DDX4: variants seen among roughly 807,000 people sequenced by gnomAD.
The protein encoded by DDX4 is DEAD-box helicase 4, also known as probable ATP-dependent RNA helicase DDX4.
A neutral mutation model predicts 100.0 loss-of-function variants in DDX4; 25 were observed. The ratio of observed to expected loss-of-function variants is 0.25; its 90% CI spans 0.18 to 0.35. The LOEUF is 0.35. Ranked by LOEUF, DDX4 falls within the 10% of genes least tolerant of loss-of-function variation. The probability of loss-of-function intolerance (pLI) is 1.00; values close to 1 mark genes in which losing one functional copy is unlikely to be tolerated. For missense variants in DDX4, 635 were observed against 882.4 expected, an observed-to-expected ratio of 0.72 and a Z score of 3.55; for synonymous variants, 259 against 275.7, an observed-to-expected ratio of 0.94 and a Z score of 0.60.
At chr5:55,798,218 T>C (rs3789195) in intron 17 of DDX4, among the ~76,000 whole-genome samples, 61,737 of 151,982 alleles carry the variant, frequency 0.41, 14,030 homozygotes, top group African/African-American at 0.59. Flanking sequence ...CAAACTTTTT[T>C]TCTAGTAGTT....
chr5:55,740,989 T>G (rs1031471664), intron 2 of DDX4, among the ~76,000 whole-genome samples: 1 of 152,246 alleles, frequency 6.6e-6, no homozygotes, highest in Non-Finnish European at 1.5e-5. Flanking sequence ...TGGAATTACT[T>G]GTTCAGAGGA....
intron 6 of DDX4, chr5:55,766,937 C>T (rs1740961394): frequency 6.6e-7 from 1 of 1,514,110 alleles, no homozygotes; most frequent in Non-Finnish European, 8.9e-7. Context: ...GGAATGGGGT[C>T]TAGGAATTTA....
At chr5:55,774,199 T>C in intron 7 of DDX4, among the ~76,000 whole-genome samples, 1 of 151,916 alleles carries the variant, frequency 6.6e-6, no homozygotes, top group Non-Finnish European at 1.5e-5. Context: ...ACCCAGACTC[T>C]GGGGTGCAGT....
chr5:55,769,707 G>A (rs72761923), intron 7 of DDX4, among the ~76,000 whole-genome samples: 2,764 of 152,170 alleles, frequency 0.018, 42 homozygotes, highest in Middle Eastern at 0.041. Flanking sequence ...GAATAGGCAA[G>A]ACAATCCCAA....
At chr5:55,783,813 A>T (rs1343578129) in intron 10 of DDX4, among the ~76,000 whole-genome samples, 1 of 151,782 alleles carries the variant, frequency 6.6e-6, no homozygotes, top group Non-Finnish European at 1.5e-5. Context: ...GTATTGTTCA[A>T]TTCAAGTCCA....
intron 17 of DDX4, among the ~76,000 whole-genome samples, chr5:55,795,244 C>T (rs1333599113): frequency 1.3e-5 from 2 of 152,174 alleles, no homozygotes; most frequent in East Asian, 1.9e-4. Flanking sequence ...GGATTGTAAG[C>T]GTGAGCCACC....
intron 7 of DDX4, among the ~76,000 whole-genome samples, chr5:55,771,039 C>T (rs576974541): frequency 1.3e-5 from 2 of 152,272 alleles, no homozygotes; most frequent in Admixed American, 1.3e-4. Flanking sequence ...AGCCATTTTG[C>T]AGGGTATCCC....
At chr5:55,750,828 C>T (rs1208598661) in intron 3 of DDX4, among the ~76,000 whole-genome samples, 1 of 151,976 alleles carries the variant, frequency 6.6e-6, no homozygotes, top group Non-Finnish European at 1.5e-5. Flanking sequence ...AGATATATTC[C>T]TAATTGATAA....
In DDX4 at chr5:55,768,174, T is replaced by C; in HGVS notation, c.394+234T>C. 3 of 488,110 alleles carry C rather than the reference T, an allele frequency of 6.1e-6. No homozygotes were observed. The South Asian group carries it at 7.3e-5, about 12-fold the overall frequency. 30.2% of individuals were successfully genotyped at this position (488,110 alleles called of 1,614,324 possible). On this transcript the variant is annotated intron_variant, in intron 7 of 21. Coordinates refer to ENST00000505374, the MANE Select transcript of DDX4 (RefSeq NM_024415.3). ...GTTCAGGGGTTCATGTGTAGGTTTG[T>C]TATCTAGGTAAATTGCATGCCATGG...
chr5:55,738,998 C>A lies in DDX4; in HGVS notation c.35C>A (p.Pro12His). ...GDEDWEAEIN[P>H]HMSSYVPIFE... ...GAAGATTGGGAAGCAGAAATCAACC[C>A]TCATATGTCTTCCTATGTTCCCATA... is the stretch of plus-strand genomic sequence containing the variant. Residue 12 changes from proline to histidine, a missense_variant, in exon 2 of 22, where the codon CCT becomes CAT. Pro to His is a moderately conservative substitution (Grantham distance 77, BLOSUM62 -2). Around this residue, in one of 4 missense-constraint regions of DDX4, gnomAD observed 446 missense variants for 540.8 expected, o/e 0.82. Transcript: ENST00000505374. 6.2e-7 allele frequency: 1 copy of A among 1,605,702 alleles called. No individual in the cohort carries two copies. Among genetic ancestry groups the A allele is most frequent in the Non-Finnish European group, 8.5e-7 (1 of 1,173,002 alleles).
rs185327109 is a variant in DDX4 at position 55,770,616 on chromosome 5, C to T, written c.394+2676C>T. Among the ~76,000 whole-genome samples, 32 of 152,094 alleles carry T rather than the reference C, an allele frequency of 2.1e-4. 1 individual carries two copies. The highest frequency in any genetic ancestry group is 6.5e-4 in the African/African-American group (27 of 41,482). ...TAATCAGATACATCAGTGTTTTTAC[C>T]GCACCTTGGAGACATTCTTTTCCTT... On this transcript the variant is annotated intron_variant, in intron 7 of 21. Transcript: ENST00000505374.
Position 55,746,232 on chromosome 5 carries a change from T to C in DDX4, c.127+11T>C, listed in dbSNP as rs897240055. 9 of 1,605,628 alleles carry C rather than the reference T, an allele frequency of 5.6e-6. No homozygotes were observed. The highest frequency in any genetic ancestry group is 1.3e-5 in the African/African-American group (1 of 74,414). ...CAGCTTCATCATCAGGTATGTGTTATGGGAAAAAGGTAAAACCCTTTTTAG... is the reference window on the plus strand; with the variant it reads ...CAGCTTCATCATCAGGTATGTGTTACGGGAAAAAGGTAAAACCCTTTTTAG... On this transcript the variant is annotated intron_variant, in intron 3 of 21. Transcript: ENST00000505374.
chr5:55,780,088 A>G, intron 8 of DDX4, 23 bp downstream of exon 8: 1 of 1,611,852 alleles, frequency 6.2e-7, no homozygotes, highest in African/African-American at 1.3e-5. Context: ...TTTGCAAATG[A>G]TGTGCTTCAT....
At chr5:55,765,893 G>A (rs943986149) in intron 6 of DDX4, among the ~76,000 whole-genome samples, 2 of 151,890 alleles carry the variant, frequency 1.3e-5, no homozygotes, top group Non-Finnish European at 2.9e-5. Context: ...CAACCTCTGC[G>A]TCCAGGGTTC....
rs1249772456 is a variant in DDX4, at chr5:55,785,588, T to C, written c.721+94T>C. ...AAAAACAAAGTTATCTTTTAAAAAT[T>C]TGAACAGTGAAAACTTTAAAGGTAA... On this transcript the variant is annotated intron_variant, in intron 12 of 21. Coordinates refer to ENST00000505374, the MANE Select transcript of DDX4 (RefSeq NM_024415.3). 3.0e-6 allele frequency: 4 copies of C among 1,323,850 alleles called. No individual in the cohort carries two copies. In the African/African-American group the frequency reaches 5.9e-5, roughly 20 times the overall value. 82.0% of individuals were successfully genotyped at this position (1,323,850 alleles called of 1,614,324 possible). A position where few individuals can be genotyped will look rare whatever the true frequency, so the allele number is the denominator to read the frequency against.
At chr5:55,804,439 G>C (rs1743555461) in intron 18 of DDX4, among the ~76,000 whole-genome samples, 1 of 152,040 alleles carries the variant, frequency 6.6e-6, no homozygotes, top group African/African-American at 2.4e-5. Flanking sequence ...TTTCTTCTAG[G>C]GTTTTTATGG....
intron 2 of DDX4, among the ~76,000 whole-genome samples, chr5:55,740,020 A>C (rs901905285): frequency 6.6e-6 from 1 of 152,176 alleles, no homozygotes; most frequent in African/African-American, 2.4e-5. Context: ...AAGCCATTGC[A>C]CCTGGACTGT....
chr5:55,816,479 A>C lies in DDX4; in HGVS notation c.2114A>C (p.Asn705Thr). ...AATTACCAGGGCAAGAGCACTTTGA[A>C]CACAGCTGGGTTTTCTTCTTCACAA... ...VDTRKGKSTLNTAGFSSSQAP... is the reference protein window; with the variant it reads ...VDTRKGKSTLTTAGFSSSQAP... Residue 705 changes from asparagine (N) to threonine (T), a missense_variant, in exon 22 of 22, where the codon AAC (asparagine) becomes ACC (threonine). By Grantham distance (65) the Asn-to-Thr change is moderately conservative. This residue lies in a region of DDX4 where 73 missense variants were observed against 98.5 expected (regional missense o/e 0.74). Transcript: ENST00000505374. The C allele has an allele frequency of 6.2e-7, 1 of 1,610,962 alleles. No homozygotes were observed. The highest frequency in any genetic ancestry group is 1.1e-5 in the South Asian group (1 of 90,624).
At chr5:55,743,247 T>TG (rs1323253860) in intron 2 of DDX4, among the ~76,000 whole-genome samples, 2 of 152,176 alleles carry the variant, frequency 1.3e-5, no homozygotes, top group Non-Finnish European at 2.9e-5. Context: ...CCTCGGCTTG[T>TG]GGCTGCATAT....
Sources: gnomAD v4.1 joint callset for allele counts (sites outside exome capture counted in the v4.1 genomes callset) on GRCh38, gnomAD v4.1.1 for gene constraint, gnomAD v4.1.1 regional missense constraint, MANE v1.5 for transcripts, NCBI Gene and HGNC (gene_info 2026-07-23, HGNC 2026-07-21) for gene names.